CDKAL1: variants seen among roughly 807,000 people sequenced by gnomAD.
CDKAL1 encodes threonylcarbamoyladenosine tRNA methylthiotransferase.
CDKAL1 carries 32 observed loss-of-function variants against 68.2 expected under a neutral mutation model. The observed-to-expected ratio is 0.47, with a 90% CI of 0.35 to 0.63. The LOEUF (loss-of-function observed/expected upper bound fraction) is 0.63. Ranked by LOEUF, CDKAL1 falls within the 30% of genes least tolerant of loss-of-function variation. The probability of loss-of-function intolerance (pLI) is 0.00; values close to 1 mark genes in which losing one functional copy is unlikely to be tolerated. For synonymous variants in CDKAL1, 234 were observed against 244.3 expected (o/e 0.96, Z 0.39); for missense variants, 606 against 696.7 (o/e 0.87, Z 1.47).
intron 10 of CDKAL1, among the ~76,000 whole-genome samples, chr6:20,984,813 G>GT (rs35957348): frequency 3.0e-4 from 37 of 121,330 alleles, no homozygotes; most frequent in Non-Finnish European, 4.9e-4. Context: ...CACAGTAACG[G>GT]GGGGGGGTGG....
intron 6 of CDKAL1, among the ~76,000 whole-genome samples, chr6:20,752,807 C>T (rs962740159): frequency 1.3e-5 from 2 of 152,060 alleles, no homozygotes; most frequent in African/African-American, 4.8e-5. Context: ...AGTGTATTAG[C>T]TTTATTCAGA....
At chr6:21,032,617 T>C (rs1769358042) in intron 11 of CDKAL1, among the ~76,000 whole-genome samples, 1 of 152,224 alleles carries the variant, frequency 6.6e-6, no homozygotes, top group Admixed American at 6.5e-5. Flanking sequence ...ATTATAATAC[T>C]GTATTTTTAC....
At chr6:20,839,633 T>G (rs1778095729) in intron 8 of CDKAL1, among the ~76,000 whole-genome samples, 2 of 152,152 alleles carry the variant, frequency 1.3e-5, no homozygotes, top group African/African-American at 2.4e-5. Context: ...GTAGGGTCCC[T>G]TGTCTTACAG....
At chr6:21,069,719 T>A (rs1771649759) in intron 12 of CDKAL1, among the ~76,000 whole-genome samples, 1 of 151,356 alleles carries the variant, frequency 6.6e-6, no homozygotes, top group Non-Finnish European at 1.5e-5. Flanking sequence ...AAGTAAAGTA[T>A]TTCTTTTTAA....
At chr6:21,188,323 T>A (rs1370337644) in intron 13 of CDKAL1, among the ~76,000 whole-genome samples, 1 of 152,210 alleles carries the variant, frequency 6.6e-6, no homozygotes, top group African/African-American at 2.4e-5. Flanking sequence ...TTCCTCCAAG[T>A]ATTTTGTGGC....
chr6:20,707,317 C>G lies in CDKAL1; in HGVS notation c.372-32202C>G, dbSNP rs548741515. 5.9e-5 allele frequency among the ~76,000 whole-genome samples: 9 copies of G among 152,262 alleles called. No homozygotes were observed. In the South Asian group the frequency reaches 1.9e-3, roughly 32 times the overall value. ...GTTGCAAACCATTAATCCAGTAGCACAGAATGATGAAATATTTGACTACTG... is the reference window on the plus strand; with the variant it reads ...GTTGCAAACCATTAATCCAGTAGCAGAGAATGATGAAATATTTGACTACTG... On this transcript the variant is annotated intron_variant, in intron 5 of 15. Transcript: ENST00000274695.
chr6:20,997,202 G>A lies in CDKAL1; in HGVS notation c.910-3025G>A, dbSNP rs58638652. Among the ~76,000 whole-genome samples the A allele has an allele frequency of 2.3e-4, 35 of 152,280 alleles. 1 individual carries two copies. The South Asian group carries it at 7.0e-3, about 31-fold the overall frequency. ...ATTCATTATTGTATTGCCAGGAAGA[G>A]CTAAGTAAACACTTTGGTAACACCA... On this transcript the variant is annotated intron_variant, in intron 10 of 15. Coordinates refer to ENST00000274695, the MANE Select transcript of CDKAL1 (RefSeq NM_017774.3).
intron 10 of CDKAL1, among the ~76,000 whole-genome samples, chr6:20,990,807 G>A (rs1484960066): frequency 3.3e-5 from 5 of 152,194 alleles, no homozygotes; most frequent in Admixed American, 1.3e-4. Flanking sequence ...AGTGTCGAAG[G>A]TGAATCCAGA....
intron 11 of CDKAL1, among the ~76,000 whole-genome samples, chr6:21,008,631 C>T (rs371268060): frequency 1.8e-4 from 27 of 152,288 alleles, no homozygotes; most frequent in Middle Eastern, 6.8e-3. Flanking sequence ...GTTGTACTAA[C>T]GTCTAAAGTT....
At position 20,595,288 on chromosome 6, in the gene CDKAL1, C is replaced by A. The variant is rs377627440; in HGVS notation, c.286+46583C>A. ...GTTTTCCAACTTGGTTCCATTCTCC[C>A]CATCACTTTCAGGTACACCAATCAA... On this transcript the variant is annotated intron_variant, in intron 4 of 15. Coordinates refer to ENST00000274695, the MANE Select transcript of CDKAL1 (RefSeq NM_017774.3). Among the ~76,000 whole-genome samples, 121 of 152,272 alleles carry A rather than the reference C, an allele frequency of 7.9e-4. 1 individual carries two copies. The Middle Eastern group carries it at 0.01, about 13-fold the overall frequency.
At chr6:20,824,091 A>C (rs1349340123) in intron 8 of CDKAL1, among the ~76,000 whole-genome samples, 1 of 152,106 alleles carries the variant, frequency 6.6e-6, no homozygotes, top group African/African-American at 2.4e-5. Context: ...AGTGGATTCA[A>C]GCATGGATAG....
intron 2 of CDKAL1, among the ~76,000 whole-genome samples, chr6:20,538,405 T>TGG (rs1294396548): frequency 1.3e-5 from 2 of 152,210 alleles, no homozygotes; most frequent in Admixed American, 6.5e-5. Flanking sequence ...ATTGAGAGGA[T>TGG]GCCAAGGTTC....
rs530236801 is a variant in CDKAL1 at position 20,673,699 on chromosome 6, C to T, written c.371+24322C>T. Among the ~76,000 whole-genome samples the T allele has an allele frequency of 3.9e-5, 6 of 152,268 alleles. No homozygotes were observed. In the South Asian group the frequency reaches 1.2e-3, roughly 32 times the overall value. On this transcript the variant is annotated intron_variant, in intron 5 of 15. Coordinates refer to ENST00000274695, the MANE Select transcript of CDKAL1 (RefSeq NM_017774.3). ...TGTTCTCATGATAGTGCATGAGTCTCATGAGATCTGATGGTTTTAAAAAAC... is the reference window on the plus strand; with the variant it reads ...TGTTCTCATGATAGTGCATGAGTCTTATGAGATCTGATGGTTTTAAAAAAC...
Position 20,781,200 on chromosome 6 carries a change from A to G in CDKAL1, c.573A>G (p.Gly191=), listed in dbSNP as rs148570049. The G allele has an allele frequency of 6.2e-7, 1 of 1,613,778 alleles. No homozygotes were observed. The change falls in exon 8 of 16, where the codon GGA becomes GGG. Residue 191 remains glycine (G), a synonymous_variant. Transcript: ENST00000274695. ...QKKDNGRRLG[G]ARLDLPKIRK... ...AGGATAATGGAAGGCGGCTTGGGGGAGCACGATTGGATTTGCCGAAGATTA... is the reference window on the plus strand; with the variant it reads ...AGGATAATGGAAGGCGGCTTGGGGGGGCACGATTGGATTTGCCGAAGATTA...
At chr6:21,134,069 C>T (rs1458954699) in intron 13 of CDKAL1, among the ~76,000 whole-genome samples, 5 of 152,028 alleles carry the variant, frequency 3.3e-5, no homozygotes, top group African/African-American at 7.2e-5. Flanking sequence ...GTCGTGGGGG[C>T]GTATGTGGCC....
rs559138330 is a variant in CDKAL1, at chr6:20,664,105, T to C, written c.371+14728T>C. 2.0e-3 allele frequency among the ~76,000 whole-genome samples: 301 copies of C among 152,276 alleles called. 1 individual carries two copies. The highest frequency in any genetic ancestry group is 3.4e-3 in the Non-Finnish European group (228 of 68,000). The stretch of plus-strand genomic sequence containing the variant: ...GAGGGATATTAACGCTATCAAATTC[T>C]CATTCCAGGATACAACCTACACATT... On this transcript the variant is annotated intron_variant, in intron 5 of 15. Coordinates refer to ENST00000274695, the MANE Select transcript of CDKAL1 (RefSeq NM_017774.3).
chr6:20,928,700 T>C (rs1763289674), intron 9 of CDKAL1, among the ~76,000 whole-genome samples: 2 of 150,534 alleles, frequency 1.3e-5, no homozygotes, highest in African/African-American at 4.9e-5. Flanking sequence ...TTTTTTTTTT[T>C]TTTTTCATTT....
chr6:20,885,222 C>T (rs1761013483), intron 9 of CDKAL1, among the ~76,000 whole-genome samples: 1 of 152,146 alleles, frequency 6.6e-6, no homozygotes, highest in Non-Finnish European at 1.5e-5. Context: ...CCAAAGCAGT[C>T]TTTAAATGGG....
At chr6:20,830,262 T>C (rs533045096) in intron 8 of CDKAL1, among the ~76,000 whole-genome samples, 2 of 152,342 alleles carry the variant, frequency 1.3e-5, no homozygotes, top group South Asian at 4.1e-4. Flanking sequence ...TAAATGATAG[T>C]AGACATATGA....
Sources: gnomAD v4.1 joint callset for allele counts (sites outside exome capture counted in the v4.1 genomes callset) on GRCh38, gnomAD v4.1.1 for gene constraint, MANE v1.5 for transcripts, NCBI Gene and HGNC (gene_info 2026-07-23, HGNC 2026-07-21) for gene names.